Variants in ESRRB observed in about 807,000 individuals in gnomAD.
ESRRB encodes the protein steroid hormone receptor ERR2.
In ESRRB, 16 loss-of-function variants were observed where a neutral mutation model predicts 46.0. The ratio of observed to expected loss-of-function variants is 0.35; its 90% CI spans 0.24 to 0.53. ESRRB has a LOEUF of 0.53. Ranked by LOEUF, ESRRB falls within the 20% of genes least tolerant of loss-of-function variation. ESRRB has a pLI of 0.93. For synonymous variants in ESRRB, 246 were observed against 259.6 expected (o/e 0.95, Z 0.50); for missense variants, 488 against 607.4 (o/e 0.80, Z 2.07).
In ESRRB at chr14:76,358,383, GAAAGAAAGAA is replaced by G. The variant is rs1884419925; in HGVS notation, c.2+47469_2+47478del. Among the ~76,000 whole-genome samples, 2 of 60,814 alleles carry G rather than the reference GAAAGAAAGAA, an allele frequency of 3.3e-5. 1 individual carries two copies. The allele number at this position is 60,814 out of a possible 152,430, so 39.9% of individuals were successfully genotyped here. ...AGAAAGAAAGAAAGAAAGAAAGAAAGAAAGAAAGAAAGAAAGAAAGAAAGAAAGAAAAGAA... is the reference window on the plus strand; with the variant it reads ...AGAAAGAAAGAAAGAAAGAAAGAAAGAGAAAGAAAGAAAGAAAGAAAAGAA... On this transcript the variant is annotated intron_variant, in intron 1 of 6. Transcript: ENST00000512784.
chr14:76,471,229 A>G (rs1446787000), intron 3 of ESRRB, among the ~76,000 whole-genome samples: 3 of 152,192 alleles, frequency 2.0e-5, no homozygotes, highest in Non-Finnish European at 2.9e-5. Flanking sequence ...CTCCATGGTC[A>G]TGACCCTGGT....
At chr14:76,465,926 G>A (rs1437089334) in intron 3 of ESRRB, among the ~76,000 whole-genome samples, 1 of 152,204 alleles carries the variant, frequency 6.6e-6, no homozygotes, top group Non-Finnish European at 1.5e-5. Flanking sequence ...AAGCTCCGTG[G>A]GGACCGACCC....
At chr14:76,418,605 TTTGTTTGA>T (rs1345918208) in intron 1 of ESRRB, among the ~76,000 whole-genome samples, 6 of 152,284 alleles carry the variant, frequency 3.9e-5, no homozygotes, top group African/African-American at 1.4e-4. Context: ...CTTGACAGTT[TTTGTTTGA>T]TTGTTTGTTT....
At chr14:76,381,991 A>G (rs575209713) in intron 1 of ESRRB, among the ~76,000 whole-genome samples, 19 of 152,304 alleles carry the variant, frequency 1.2e-4, no homozygotes, top group African/African-American at 4.6e-4. Context: ...GATTAATATC[A>G]TCAAGGGTCC....
chr14:76,493,799 C>T (rs1409432349), intron 6 of ESRRB, among the ~76,000 whole-genome samples: 1 of 152,238 alleles, frequency 6.6e-6, no homozygotes, highest in Non-Finnish European at 1.5e-5. Context: ...ATCCCTTTTA[C>T]TGGGTTAGTG....
chr14:76,422,377 A>AT (rs1472287648), intron 1 of ESRRB, among the ~76,000 whole-genome samples: 4 of 151,354 alleles, frequency 2.6e-5, no homozygotes, highest in East Asian at 1.9e-4. Flanking sequence ...CACCCAGCTA[A>AT]TTTTTTTTGT....
Position 76,491,489 on chromosome 14 carries a change from A to G in ESRRB, c.893A>G (p.Gln298Arg). Reference sequence around the variant, plus strand: ...CTGGGGGACCAGATGAGCCTGCTGCAGAGTGCCTGGATGGAAATCCTCATC... The same window carrying G: ...CTGGGGGACCAGATGAGCCTGCTGCGGAGTGCCTGGATGGAAATCCTCATC... The part of the protein sequence containing the change: ...LSLGDQMSLL[Q>R]SAWMEILILG... Residue 298 changes from glutamine (Q) to arginine (R), a missense_variant, in exon 6 of 7, where the codon CAG (glutamine) becomes CGG (arginine). Gln to Arg is a conservative substitution (Grantham distance 43). Transcript: ENST00000644823. The G allele has an allele frequency of 1.2e-6, 2 of 1,606,220 alleles. No individual in the cohort carries two copies. Among genetic ancestry groups the G allele is most frequent in the African/African-American group, 1.3e-5 (1 of 74,994 alleles).
At chr14:76,390,953 G>T (rs767354141) in intron 1 of ESRRB, among the ~76,000 whole-genome samples, 8 of 152,210 alleles carry the variant, frequency 5.3e-5, no homozygotes, top group Non-Finnish European at 1.0e-4. Flanking sequence ...AGCATGAAGG[G>T]AGGCTCTGTG....
upstream of ESRRB, among the ~76,000 whole-genome samples, chr14:76,366,961 T>C (rs930933204): frequency 6.6e-6 from 1 of 151,902 alleles, no homozygotes; most frequent in Non-Finnish European, 1.5e-5. Context: ...AAAGAGGGGG[T>C]TCGTAAATAA....
chr14:76,350,997 C>G (rs1008514565), intron 1 of ESRRB, among the ~76,000 whole-genome samples: 1 of 152,162 alleles, frequency 6.6e-6, no homozygotes, highest in Non-Finnish European at 1.5e-5. Flanking sequence ...GACTGGTAAC[C>G]ATGGGTCTAT....
At chr14:76,342,590 C>T (rs1474774099) in intron 1 of ESRRB, among the ~76,000 whole-genome samples, 3 of 152,164 alleles carry the variant, frequency 2.0e-5, no homozygotes, top group South Asian at 2.1e-4. Context: ...GAGGAACGGG[C>T]GTGGCTGTCT....
chr14:76,360,897 C>T (rs530886430), intron 1 of ESRRB, among the ~76,000 whole-genome samples: 1 of 152,272 alleles, frequency 6.6e-6, no homozygotes, highest in East Asian at 1.9e-4. Context: ...TACTCATTTC[C>T]CCCCGGCCAG....
chr14:76,478,193 C>T (rs7144836), intron 3 of ESRRB, among the ~76,000 whole-genome samples: 50,124 of 152,034 alleles, frequency 0.33, 9,474 homozygotes, highest in African/African-American at 0.52. Context: ...TGTGAGCCGC[C>T]CCTGGCCTTA....
chr14:76,421,984 G>A (rs1201690551), intron 1 of ESRRB, among the ~76,000 whole-genome samples: 2 of 152,148 alleles, frequency 1.3e-5, no homozygotes, highest in Non-Finnish European at 2.9e-5. Flanking sequence ...CATTTTGATC[G>A]AGCCAGCAGG....
intron 1 of ESRRB, among the ~76,000 whole-genome samples, chr14:76,408,325 T>C (rs558110246): frequency 3.9e-5 from 6 of 152,080 alleles, no homozygotes; most frequent in East Asian, 3.9e-4. Flanking sequence ...ACGCCTGTAA[T>C]CCCAACATCT....
chr14:76,458,808 T>C (rs1566909402), intron 2 of ESRRB, among the ~76,000 whole-genome samples: 3 of 150,974 alleles, frequency 2.0e-5, no homozygotes, highest in African/African-American at 7.3e-5. Flanking sequence ...CAGTCCTTAC[T>C]GTCCCATACC....
chr14:76,498,679 T>G lies in ESRRB; in HGVS notation c.*221T>G. The G allele has an allele frequency of 6.8e-7, 1 of 1,477,122 alleles. No homozygotes were observed. Among genetic ancestry groups the G allele is most frequent in the African/African-American group, 1.4e-5 (1 of 72,316 alleles). The allele number at this position is 1,477,122 out of a possible 1,614,324, so 91.5% of individuals were successfully genotyped here. A position where few individuals can be genotyped will look rare whatever the true frequency, so the allele number is the denominator to read the frequency against. On this transcript the variant is annotated 3_prime_UTR_variant, in exon 7 of 7. Coordinates refer to ENST00000644823, the MANE Select transcript of ESRRB (RefSeq NM_001379180.1). ...CAGGGGTGTGGGGCTCGACTGTAAC[T>G]GGCTTTTTCTTTGGTATGTCTTTCC...
At chr14:76,439,845 C>A in intron 2 of ESRRB, 95 bp downstream of exon 2, 2 of 1,389,842 alleles carry the variant, frequency 1.4e-6, no homozygotes, top group East Asian at 2.4e-5. Context: ...CCAGAGACTG[C>A]CAATTCTGGG....
intron 2 of ESRRB, among the ~76,000 whole-genome samples, chr14:76,448,900 A>T (rs1444946702): frequency 1.3e-5 from 2 of 150,394 alleles, no homozygotes; most frequent in Non-Finnish European, 2.9e-5. Flanking sequence ...ACAATATATT[A>T]TTTTTGAAAA....
Sources: gnomAD v4.1 joint callset for allele counts (sites outside exome capture counted in the v4.1 genomes callset) on GRCh38, gnomAD v4.1.1 for gene constraint, MANE v1.5 for transcripts, NCBI Gene and HGNC (gene_info 2026-07-23, HGNC 2026-07-21) for gene names.